DNMT3L: variants seen among roughly 807,000 people sequenced by gnomAD.
The protein encoded by DNMT3L is DNA methyltransferase 3 like.
A neutral mutation model predicts 36.2 loss-of-function variants in DNMT3L; 33 were observed. The observed-to-expected ratio is 0.91, with a 90% CI of 0.69 to 1.22. The LOEUF (loss-of-function observed/expected upper bound fraction) is 1.22, where lower values mean the gene tolerates loss of function less well. Ranked by LOEUF, DNMT3L falls within the 50% of genes most tolerant of loss-of-function variation. The pLI is 0.00. For synonymous variants in DNMT3L, 117 were observed against 121.7 expected (o/e 0.96, Z 0.26); for missense variants, 310 against 303.1 (o/e 1.02, Z -0.17).
chr21:44,261,324 C>T (rs1383743582), intron 1 of DNMT3L, 58 bp from the exon 2 acceptor site: 1 of 1,509,506 alleles, frequency 6.6e-7, no homozygotes, highest in Non-Finnish European at 9.1e-7. Flanking sequence ...GCTCAGATCC[C>T]TGATGCACCC....
intron 2 of DNMT3L, 91 bp from the exon 3 acceptor site, chr21:44,260,930 C>T (rs956995780): frequency 9.5e-5 from 151 of 1,596,726 alleles, no homozygotes; most frequent in Non-Finnish European, 1.2e-4. Context: ...AATTCGTTTT[C>T]CAAAGTCACA....
At position 44,259,511 on chromosome 21, in the gene DNMT3L, G is replaced by A. The variant is rs534705692; in HGVS notation, c.270C>T (p.Asp90=). The change falls in exon 5 of 12, where the codon GAC becomes GAT. Residue 90 remains aspartate, a synonymous_variant. Transcript: ENST00000628202. ...FLDALFLYDD[D]GYQSYCSICC... ...AGATGGAGCAGTAGGATTGGTACCCGTCATCGTCGTACAGGAAGAGGGCAT... is the reference window on the plus strand; with the variant it reads ...AGATGGAGCAGTAGGATTGGTACCCATCATCGTCGTACAGGAAGAGGGCAT... 196 of 1,613,722 alleles carry A rather than the reference G, an allele frequency of 1.2e-4. No individual in the cohort carries two copies. The South Asian group carries it at 1.5e-3, about 12-fold the overall frequency.
chr21:44,254,523 C>T lies in DNMT3L; in HGVS notation c.693+94G>A, dbSNP rs562682044. The T allele has an allele frequency of 4.4e-3, 6,166 of 1,415,090 alleles. 23 individuals are homozygous for T. Among genetic ancestry groups the T allele is most frequent in the Non-Finnish European group, 5.3e-3 (5,510 of 1,030,932 alleles). The allele number at this position is 1,415,090 out of a possible 1,614,324, so 87.7% of individuals were successfully genotyped here. A position where few individuals can be genotyped will look rare whatever the true frequency, so the allele number is the denominator to read the frequency against. ...CAGGACTCCTCCCAGCCCCTGCTGC[C>T]GCCTCCTTGCCCGCCTCATCCTTGG... On this transcript the variant is annotated intron_variant, in intron 8 of 11. Coordinates refer to ENST00000628202, the MANE Select transcript of DNMT3L (RefSeq NM_175867.3).
chr21:44,255,904 C>T (rs2040254094), intron 7 of DNMT3L, among the ~76,000 whole-genome samples, 163 bp downstream of exon 7: 1 of 151,886 alleles, frequency 6.6e-6, no homozygotes, highest in Non-Finnish European at 1.5e-5. Context: ...TTCCAAAGGC[C>T]CCAGTGCAGG....
In DNMT3L at chr21:44,260,788, C is replaced by T. The variant is rs1312707469; in HGVS notation, c.151+7G>A. ...TGTCTGGTGTGGGCCAGTATGCAAA[C>T]ACTCACCTTCTATATTTCGCTGGTT... On this transcript the variant is annotated splice_region_variant and intron_variant, in intron 3 of 11. Transcript: ENST00000628202. 6.2e-7 allele frequency: 1 copy of T among 1,613,204 alleles called. No homozygotes were observed. The highest frequency in any genetic ancestry group is 1.1e-5 in the South Asian group (1 of 91,082).
At chr21:44,255,966 G>A (rs1053184013) in intron 7 of DNMT3L, 101 bp downstream of exon 7, 4 of 1,239,066 alleles carry the variant, frequency 3.2e-6, no homozygotes, top group Admixed American at 3.6e-5. Context: ...CAGTTGGCCG[G>A]TCTAGGGGAG....
chr21:44,255,991 C>T (rs532647251), intron 7 of DNMT3L, 76 bp downstream of exon 7: 58 of 1,461,632 alleles, frequency 4.0e-5, no homozygotes, highest in Middle Eastern at 2.4e-4. Context: ...TGGGGAGTCC[C>T]GGGGGGTGGC....
intron 6 of DNMT3L, among the ~76,000 whole-genome samples, chr21:44,256,699 C>T (rs746753727): frequency 2.6e-5 from 4 of 152,028 alleles, no homozygotes; most frequent in Non-Finnish European, 5.9e-5. Context: ...CCAGAGATGC[C>T]GGGGAGAGGT....
chr21:44,258,774 C>A lies in DNMT3L; in HGVS notation c.345-80G>T. On this transcript the variant is annotated intron_variant, in intron 5 of 11. Coordinates refer to ENST00000628202, the MANE Select transcript of DNMT3L (RefSeq NM_175867.3). The surrounding 1 kb of genome is among the most constrained non-coding windows in gnomAD (Gnocchi z 6.2). ...GATGGCAGAGGTGGGCCTGATTGAG[C>A]CTTGTTTTGGAGGGAAAAGTCACGC... 1 of 1,529,786 alleles carries A rather than the reference C, an allele frequency of 6.5e-7. No individual in the cohort carries two copies. Among genetic ancestry groups the A allele is most frequent in the Non-Finnish European group, 8.8e-7 (1 of 1,135,958 alleles). 94.8% of individuals were successfully genotyped at this position (1,529,786 alleles called of 1,614,324 possible).
At chr21:44,260,270 A>G in intron 3 of DNMT3L, among the ~76,000 whole-genome samples, 1 of 152,166 alleles carries the variant, frequency 6.6e-6, no homozygotes, top group East Asian at 1.9e-4. Flanking sequence ...GAAGGGAAGC[A>G]AGAAGGGGGA....
chr21:44,256,438 T>TTTTTTG, intron 6 of DNMT3L, among the ~76,000 whole-genome samples: 1 of 149,228 alleles, frequency 6.7e-6, no homozygotes, highest in African/African-American at 2.5e-5. Flanking sequence ...TTTTTTTTTT[T>TTTTTTG]TTTGAGATGG....
intron 6 of DNMT3L, among the ~76,000 whole-genome samples, chr21:44,256,842 C>T (rs748087107): frequency 5.9e-5 from 9 of 152,204 alleles, no homozygotes; most frequent in Non-Finnish European, 1.0e-4. Flanking sequence ...TCGGGGGCCT[C>T]GGCTTTCAGA....
rs1214838703 is a variant in DNMT3L, at chr21:44,259,569, G to A, written c.232-20C>T. ...CTTGTCCTTGGAAGGAGCAAAGCAA[G>A]GCTGGCTTGTGTCATCCCTGCTCTG... On this transcript the variant is annotated intron_variant, in intron 4 of 11. Coordinates refer to ENST00000628202, the MANE Select transcript of DNMT3L (RefSeq NM_175867.3). 1 of 1,613,602 alleles carries A rather than the reference G, an allele frequency of 6.2e-7. No individual in the cohort carries two copies. Among genetic ancestry groups the A allele is most frequent in the South Asian group, 1.1e-5 (1 of 91,088 alleles).
intron 7 of DNMT3L, 55 bp from the exon 8 acceptor site, chr21:44,254,760 C>G: frequency 4.4e-6 from 7 of 1,580,900 alleles, no homozygotes; most frequent in Non-Finnish European, 6.1e-6. Flanking sequence ...TGTGCCCCTA[C>G]AGGGACTCGA....
rs766600598 is a variant in DNMT3L, at chr21:44,258,739, C to T, written c.345-45G>A. 6.3e-7 allele frequency: 1 copy of T among 1,595,446 alleles called. No individual in the cohort carries two copies. Among genetic ancestry groups the T allele is most frequent in the Admixed American group, 1.7e-5 (1 of 59,014 alleles). ...CACAGCAGCGGACATGACAGCCCAC[C>T]TCTCCTGAGGATGGCAGAGGTGGGC... On this transcript the variant is annotated intron_variant, in intron 5 of 11. Transcript: ENST00000628202. This position sits in a 1 kb window ranked among gnomAD's most constrained non-coding sequence, Gnocchi z 6.2.
At chr21:44,254,568 C>T (rs191056939) in intron 8 of DNMT3L, 49 bp downstream of exon 8, 418 of 1,596,132 alleles carry the variant, frequency 2.6e-4, no homozygotes, top group Middle Eastern at 3.3e-4. Flanking sequence ...TGAGGAAGCT[C>T]GCACCCCCGC....
At chr21:44,260,721 G>C (rs2040309694) in intron 3 of DNMT3L, 74 bp downstream of exon 3, 4 of 1,595,052 alleles carry the variant, frequency 2.5e-6, no homozygotes, top group Non-Finnish European at 3.4e-6. Flanking sequence ...GTCTCCCAAA[G>C]TGCTGGGATT....
In DNMT3L at chr21:44,260,112, A is replaced by G. The variant is rs2040303887; in HGVS notation, c.152-401T>C. Reference sequence around the variant, plus strand: ...TTGTTAAAATAGCATGAGTCCCCAAATGGAGCTGCAGAGCCCTCTCAAAAT... The same window carrying G: ...TTGTTAAAATAGCATGAGTCCCCAAGTGGAGCTGCAGAGCCCTCTCAAAAT... On this transcript the variant is annotated intron_variant, in intron 3 of 11. Transcript: ENST00000628202. Among the ~76,000 whole-genome samples, 7 of 152,100 alleles carry G rather than the reference A, an allele frequency of 4.6e-5. No individual in the cohort carries two copies. The South Asian group carries it at 1.5e-3, about 32-fold the overall frequency.
At chr21:44,253,280 C>T (rs1021448393) in intron 8 of DNMT3L, among the ~76,000 whole-genome samples, 4 of 106,962 alleles carry the variant, frequency 3.7e-5, no homozygotes, top group South Asian at 3.8e-4. Context: ...ATTCCATGGC[C>T]GAGCTGGAAG....
Sources: gnomAD v4.1 joint callset for allele counts (sites outside exome capture counted in the v4.1 genomes callset) on GRCh38, gnomAD v4.1.1 for gene constraint, Gnocchi (gnomAD v3.1) non-coding constraint, MANE v1.5 for transcripts, NCBI Gene and HGNC (gene_info 2026-07-23, HGNC 2026-07-21) for gene names.